Variants in HMCN2 observed in about 807,000 individuals in gnomAD.
HMCN2 encodes the protein hemicentin 2.
In HMCN2, 325 loss-of-function variants were observed where a neutral mutation model predicts 377.5. The observed-to-expected ratio is 0.86, with a 90% CI of 0.79 to 0.94. The LOEUF is 0.94. Ranked by LOEUF, HMCN2 falls within the 40% of genes least tolerant of loss-of-function variation. The pLI, the probability that HMCN2 is intolerant of heterozygous loss-of-function variation, is 0.00. For synonymous variants in HMCN2, 2,007 were observed against 2,046.8 expected (o/e 0.98, Z 0.53); for missense variants, 4,543 against 4,725.3 (o/e 0.96, Z 1.13).
Position 130,414,392 on chromosome 9 carries a change from C to T in HMCN2, c.12961+3740C>T, listed in dbSNP as rs1843580646. On this transcript the variant is annotated intron_variant, in intron 85 of 97. Coordinates refer to ENST00000683500, the MANE Select transcript of HMCN2 (RefSeq NM_001291815.2). The surrounding 1 kb of genome is among the most constrained non-coding windows in gnomAD (Gnocchi z 4.4). ...TAGGGAACCTGGGCTTCCACGCTGA[C>T]CTGGCGGAAGTGAGTGGCACCACTT... Among the ~76,000 whole-genome samples, 1 of 152,190 alleles carries T rather than the reference C, an allele frequency of 6.6e-6. No individual in the cohort carries two copies. Among genetic ancestry groups the T allele is most frequent in the Admixed American group, 6.5e-5 (1 of 15,286 alleles).
At position 130,428,321 on chromosome 9, in the gene HMCN2, C is replaced by A. The variant is rs1844514421; in HGVS notation, c.14066-37C>A. 6.7e-7 allele frequency: 1 copy of A among 1,498,476 alleles called. No homozygotes were observed. The highest frequency in any genetic ancestry group is 1.3e-5 in the South Asian group (1 of 77,840). 92.8% of individuals were successfully genotyped at this position (1,498,476 alleles called of 1,614,324 possible). On this transcript the variant is annotated intron_variant, in intron 92 of 97. Transcript: ENST00000683500. The surrounding 1 kb of genome is among the most constrained non-coding windows in gnomAD (Gnocchi z 5.0). ...CAGGTGGCGAGGCACGCCTGGGGAT[C>A]ATGTTCACACAGCCGTCTGCCCTGA...
intron 53 of HMCN2, among the ~76,000 whole-genome samples, chr9:130,378,895 C>T (rs372486233): frequency 4.1e-4 from 63 of 152,282 alleles, no homozygotes; most frequent in African/African-American, 1.4e-3. Context: ...GGGCCCCCCT[C>T]CATTTCTAAA....
In HMCN2 at chr9:130,430,397, G is replaced by T. The variant is rs1241122717; in HGVS notation, c.14440G>T (p.Ala4814Ser). The T allele has an allele frequency of 7.1e-6, 11 of 1,550,288 alleles. No individual in the cohort carries two copies. Among genetic ancestry groups the T allele is most frequent in the Non-Finnish European group, 7.0e-6 (8 of 1,146,990 alleles). ...PGQTLLRDGK[A>S]CTSLERNGQN... ...CCAGACCCTCCTTCGCGACGGCAAG[G>T]CCTGCACCTCACTGGAGCGGAATGG... Residue 4814 changes from alanine to serine, a missense_variant, in exon 95 of 98, where the codon GCC (alanine) becomes TCC (serine). By Grantham distance (99) the Ala-to-Ser change is moderately conservative. Transcript: ENST00000683500.
intron 94 of HMCN2, chr9:130,430,070 C>A: frequency 1.6e-6 from 1 of 609,790 alleles, no homozygotes; most frequent in East Asian, 2.8e-5. Context: ...AGGCTGAGAG[C>A]TGGGGAGGCT....
intron 22 of HMCN2, among the ~76,000 whole-genome samples, chr9:130,330,968 A>AACACACACACACACACAC (rs1173053980): frequency 1.7e-4 from 23 of 131,508 alleles, no homozygotes; most frequent in African/African-American, 3.6e-4. Flanking sequence ...TCTCTACTGA[A>AACACACACACACACACAC]ACACACACAC....
At chr9:130,272,301 C>T (rs1050288050) in intron 1 of HMCN2, among the ~76,000 whole-genome samples, 4 of 148,666 alleles carry the variant, frequency 2.7e-5, no homozygotes, top group East Asian at 1.9e-4. Flanking sequence ...AATACAGTGG[C>T]GCAATCTTGG....
Position 130,348,648 on chromosome 9 carries a change from G to C in HMCN2, c.4128G>C (p.Glu1376Asp), listed in dbSNP as rs1430031258. ...ACGCGAACGGCTTTCCAGTCCCTGAGATCGTGTGGCTGAAGGACGCGCAGC... is the reference window on the plus strand; with the variant it reads ...ACGCGAACGGCTTTCCAGTCCCTGACATCGTGTGGCTGAAGGACGCGCAGC... ...ECDANGFPVP[E>D]IVWLKDAQLI... The change falls in exon 27 of 98, where the codon GAG becomes GAC. Residue 1376 changes from glutamate (E) to aspartate (D), a missense_variant. By Grantham distance (45) the Glu-to-Asp change is conservative. Transcript: ENST00000683500. The C allele has an allele frequency of 7.7e-7, 1 of 1,297,998 alleles. No individual in the cohort carries two copies. The highest frequency in any genetic ancestry group is 1.0e-6 in the Non-Finnish European group (1 of 987,098). 80.4% of individuals were successfully genotyped at this position (1,297,998 alleles called of 1,614,324 possible). A position where few individuals can be genotyped will look rare whatever the true frequency, so the allele number is the denominator to read the frequency against.
intron 44 of HMCN2, among the ~76,000 whole-genome samples, chr9:130,368,903 C>T (rs1234309974): frequency 6.6e-6 from 1 of 152,142 alleles, no homozygotes; most frequent in Non-Finnish European, 1.5e-5. Context: ...GTGGGGATTA[C>T]AATTCGAGAT....
In HMCN2 at chr9:130,429,578, G is replaced by T; in HGVS notation, c.14219G>T (p.Gly4740Val). 1 of 1,550,380 alleles carries T rather than the reference G, an allele frequency of 6.5e-7. No individual in the cohort carries two copies. ...CCAGATGTGGACGAATGCCTGGAGG[G>T]GTTGGACGACTGTCACTACAACCAG... The part of the protein sequence containing the change: ...GCEDVDECLE[G>V]LDDCHYNQLC... Residue 4740 changes from glycine (G) to valine (V), a missense_variant, in exon 94 of 98, where the codon GGG becomes GTG. This residue lies in a region of HMCN2 where 1,155 missense variants were observed against 1,157.7 expected (regional missense o/e 1.00). Transcript: ENST00000683500.
Position 130,369,625 on chromosome 9 carries a change from G to C in HMCN2, c.6843G>C (p.Gln2281His). The C allele has an allele frequency of 2.0e-6, 2 of 985,924 alleles. No individual in the cohort carries two copies. The highest frequency in any genetic ancestry group is 2.4e-6 in the Non-Finnish European group (2 of 829,970). 61.1% of individuals were successfully genotyped at this position (985,924 alleles called of 1,614,324 possible). Reference sequence around the variant, plus strand: ...CTCCCACACAAGTCTCTGTGGTCCAGGATGGAGTGGCCACTCTGGAGTGCA... The same window carrying C: ...CTCCCACACAAGTCTCTGTGGTCCACGATGGAGTGGCCACTCTGGAGTGCA... The part of the protein sequence containing the change: ...REPPTQVSVV[Q>H]DGVATLECNA... The change falls in exon 45 of 98, where the codon CAG becomes CAC. Residue 2281 changes from glutamine (Q) to histidine (H), a missense_variant. Coordinates refer to ENST00000683500, the MANE Select transcript of HMCN2 (RefSeq NM_001291815.2). The surrounding 1 kb of genome is among the most constrained non-coding windows in gnomAD (Gnocchi z 4.5).
intron 23 of HMCN2, among the ~76,000 whole-genome samples, chr9:130,339,637 A>G (rs1838944864): frequency 6.6e-6 from 1 of 152,190 alleles, no homozygotes; most frequent in Non-Finnish European, 1.5e-5. Flanking sequence ...AGGCCACAAT[A>G]AAGCCCATCC....
intron 61 of HMCN2, among the ~76,000 whole-genome samples, chr9:130,387,324 T>C (rs190274294): frequency 4.6e-5 from 7 of 152,278 alleles, no homozygotes; most frequent in African/African-American, 1.7e-4. Context: ...TTAACTCTTA[T>C]TCAAAAGCCC....
intron 23 of HMCN2, among the ~76,000 whole-genome samples, chr9:130,340,501 G>A (rs1838986787): frequency 6.6e-6 from 1 of 151,212 alleles, no homozygotes; most frequent in Admixed American, 6.6e-5. Context: ...GCACTGAGCT[G>A]GATGAATCCC....
In HMCN2 at chr9:130,392,120, T is replaced by C; in HGVS notation, c.10136+2T>C. On this transcript the variant is annotated splice_donor_variant, in intron 66 of 97. Transcript: ENST00000683500. LOFTEE classifies it high-confidence loss of function. ...CCACGGCTCTGGCCACACCCTCAGG[T>C]AGGGGAGACGGTGGACAGGCCTTGG... is the stretch of plus-strand genomic sequence containing the variant. 1 of 988,036 alleles carries C rather than the reference T, an allele frequency of 1.0e-6. No homozygotes were observed. Among genetic ancestry groups the C allele is most frequent in the Non-Finnish European group, 1.2e-6 (1 of 830,146 alleles). The allele number at this position is 988,036 out of a possible 1,614,324, so 61.2% of individuals were successfully genotyped here.
In HMCN2 at chr9:130,286,171, G is replaced by A. The variant is rs1554927570; in HGVS notation, c.490-17G>A. 1 of 470,324 alleles carries A rather than the reference G, an allele frequency of 2.1e-6. No individual in the cohort carries two copies. The highest frequency in any genetic ancestry group is 4.4e-6 in the Non-Finnish European group (1 of 226,926). The allele number at this position is 470,324 out of a possible 1,614,324, so 29.1% of individuals were successfully genotyped here. ...CGGCCAGGGAAGTCGAGAGCAGGCTGCACGTCCATCTTCCAGGTGGTCTTT... is the reference window on the plus strand; with the variant it reads ...CGGCCAGGGAAGTCGAGAGCAGGCTACACGTCCATCTTCCAGGTGGTCTTT... On this transcript the variant is annotated splice_polypyrimidine_tract_variant and intron_variant, in intron 3 of 97. Transcript: ENST00000683500.
rs1321183999 is a variant in HMCN2, at chr9:130,358,407, G to A, written c.5598G>A (p.Leu1866=). The part of the protein sequence containing the change: ...GGNLQIEKVD[L]RDEGIYTCAA... ...CCCTCCAGATTGAGAAGGTGGACCT[G>A]AGGGACGAGGGCATCTACACTTGTG... Residue 1866 remains leucine (L), a synonymous_variant, in exon 36 of 98, where the codon CTG becomes CTA. Transcript: ENST00000683500. The A allele has an allele frequency of 1.5e-6, 2 of 1,304,354 alleles. No homozygotes were observed. Among genetic ancestry groups the A allele is most frequent in the South Asian group, 2.5e-5 (2 of 81,032 alleles). The allele number at this position is 1,304,354 out of a possible 1,614,324, so 80.8% of individuals were successfully genotyped here.
At chr9:130,349,369 T>G (rs1360142758) in intron 28 of HMCN2, among the ~76,000 whole-genome samples, 168 bp from the exon 29 acceptor site, 1 of 151,898 alleles carries the variant, frequency 6.6e-6, no homozygotes, top group Non-Finnish European at 1.5e-5. Context: ...GTCTGGGTGC[T>G]GAGGGCTCCA....
At position 130,403,864 on chromosome 9, in the gene HMCN2, T is replaced by C. The variant is rs1323207863; in HGVS notation, c.12137T>C (p.Leu4046Pro). 3 of 1,289,296 alleles carry C rather than the reference T, an allele frequency of 2.3e-6. No homozygotes were observed. Among genetic ancestry groups the C allele is most frequent in the African/African-American group, 1.5e-5 (1 of 65,862 alleles). 79.9% of individuals were successfully genotyped at this position (1,289,296 alleles called of 1,614,324 possible). A position where few individuals can be genotyped will look rare whatever the true frequency, so the allele number is the denominator to read the frequency against. ...SAGSAMGKTRLVVQVPPVIEN... is the reference protein window; with the variant it reads ...SAGSAMGKTRPVVQVPPVIEN... ...GGCAGTGCCATGGGGAAGACGCGGC[T>C]GGTGGTGCAAGGTGGGAGTGAGGAC... The change falls in exon 80 of 98, where the codon CTG becomes CCG. Residue 4046 changes from leucine to proline, a missense_variant. By Grantham distance (98) the Leu-to-Pro change is moderately conservative. Transcript: ENST00000683500.
chr9:130,398,026 G>A (rs1313295070), intron 74 of HMCN2, among the ~76,000 whole-genome samples: 2 of 151,378 alleles, frequency 1.3e-5, no homozygotes, highest in African/African-American at 4.9e-5. Context: ...GGTGGCACGT[G>A]CCTGTAGTCC....
Sources: gnomAD v4.1 joint callset for allele counts (sites outside exome capture counted in the v4.1 genomes callset) on GRCh38, gnomAD v4.1.1 for gene constraint, gnomAD v4.1.1 regional missense constraint, Gnocchi (gnomAD v3.1) non-coding constraint, MANE v1.5 for transcripts, NCBI Gene and HGNC (gene_info 2026-07-23, HGNC 2026-07-21) for gene names.